The following ABI3 variants were observed in gnomAD, a reference collection of about 807,000 sequenced individuals.
The protein encoded by ABI3 is ABI family member 3, also known as ABI gene family member 3.
A neutral mutation model predicts 37.0 loss-of-function variants in ABI3; 24 were observed. The observed-to-expected ratio is 0.65, with a 90% CI of 0.47 to 0.91. The LOEUF (loss-of-function observed/expected upper bound fraction) is 0.91. ABI3 is among the 40% of genes least tolerant of loss of function. ABI3 has a pLI of 0.00. For synonymous variants in ABI3, 220 were observed against 211.8 expected (o/e 1.04, Z -0.34); for missense variants, 481 against 485.1 (o/e 0.99, Z 0.08).
Position 49,214,627 on chromosome 17 carries a change from T to C in ABI3, c.118-1904T>C, listed in dbSNP as rs184159707. 6.0e-4 allele frequency among the ~76,000 whole-genome samples: 92 copies of C among 152,300 alleles called. 1 individual carries two copies. The highest frequency in any genetic ancestry group is 4.6e-3 in the Admixed American group (71 of 15,300). On this transcript the variant is annotated intron_variant, in intron 1 of 7. Transcript: ENST00000225941. ...CGGAAGGCTGAGGCAGGAGAATCGC[T>C]TGAACCCAGGAGGCGGAGGTTGGGG... is the stretch of plus-strand genomic sequence containing the variant.
chr17:49,213,874 A>G (rs2043194602), intron 1 of ABI3, among the ~76,000 whole-genome samples: 2 of 152,208 alleles, frequency 1.3e-5, no homozygotes, highest in South Asian at 4.1e-4. Context: ...CTCATTTAGT[A>G]AAGGAAGGTC....
chr17:49,221,324 A>C, intron 6 of ABI3, among the ~76,000 whole-genome samples: 1 of 150,024 alleles, frequency 6.7e-6, no homozygotes, highest in South Asian at 2.1e-4. Context: ...CAAAAAAATT[A>C]GCCGGGCGTG....
At chr17:49,214,421 T>A (rs142749269) in intron 1 of ABI3, among the ~76,000 whole-genome samples, 2 of 152,138 alleles carry the variant, frequency 1.3e-5, no homozygotes, top group African/African-American at 4.8e-5. Context: ...CAAAAAAAAA[T>A]TTCTTGGCCA....
At chr17:49,216,858 CCTT>C (rs2043224213) in intron 2 of ABI3, among the ~76,000 whole-genome samples, 160 bp downstream of exon 2, 1 of 152,232 alleles carries the variant, frequency 6.6e-6, no homozygotes, top group South Asian at 2.1e-4. Context: ...TTTTGGACCT[CCTT>C]ATCTCTGTGG....
At chr17:49,217,994 T>TCTC (rs34394849) in intron 3 of ABI3, 79 bp downstream of exon 3, 133,219 of 1,395,438 alleles carry the variant, frequency 0.095, 7,681 homozygotes, top group East Asian at 0.25. Flanking sequence ...GAACCCCAGT[T>TCTC]CTGCAAGTTT....
At position 49,219,740 on chromosome 17, in the gene ABI3, C is replaced by A. The variant is rs1338995939; in HGVS notation, c.548+115C>A. 7.1e-6 allele frequency: 10 copies of A among 1,407,706 alleles called. No homozygotes were observed. The highest frequency in any genetic ancestry group is 9.7e-6 in the Non-Finnish European group (10 of 1,027,682). 87.2% of individuals were successfully genotyped at this position (1,407,706 alleles called of 1,614,324 possible). ...GCCCCCGGGTGCTCAGGCCGTCATG[C>A]TGGATGCCTGGCGCCAAACCTCCCC... On this transcript the variant is annotated intron_variant, in intron 4 of 7. Transcript: ENST00000225941. The surrounding 1 kb of genome is among the most constrained non-coding windows in gnomAD (Gnocchi z 4.3).
chr17:49,220,390 A>C, intron 6 of ABI3, 64 bp downstream of exon 6: 1 of 1,514,594 alleles, frequency 6.6e-7, no homozygotes, highest in Non-Finnish European at 8.9e-7. Flanking sequence ...GCCACTCCCC[A>C]GCCCACCTCT....
At position 49,210,797 on chromosome 17, in the gene ABI3, G is replaced by A. The variant is rs1214736725; in HGVS notation, c.73G>A (p.Ala25Thr). ...GREALRGNHS[A>T]LLRVADYCED... ...GGAGGCTCTGAGGGGCAACCACAGTGCCCTGCTGCGGGTCGCTGACTACTG... is the reference window on the plus strand; with the variant it reads ...GGAGGCTCTGAGGGGCAACCACAGTACCCTGCTGCGGGTCGCTGACTACTG... The change falls in exon 1 of 8, where the codon GCC (alanine) becomes ACC (threonine). Residue 25 changes from alanine (A) to threonine (T), a missense_variant. Coordinates refer to ENST00000225941, the MANE Select transcript of ABI3 (RefSeq NM_016428.3). The surrounding 1 kb of genome is among the most constrained non-coding windows in gnomAD (Gnocchi z 4.2). 2 of 1,556,114 alleles carry A rather than the reference G, an allele frequency of 1.3e-6. No individual in the cohort carries two copies. The highest frequency in any genetic ancestry group is 2.4e-5 in the South Asian group (2 of 84,458).
Position 49,219,766 on chromosome 17 carries a change from C to A in ABI3, c.549-92C>A. 6.9e-7 allele frequency: 1 copy of A among 1,444,200 alleles called. No homozygotes were observed. Among genetic ancestry groups the A allele is most frequent in the Non-Finnish European group, 9.4e-7 (1 of 1,061,718 alleles). The allele number at this position is 1,444,200 out of a possible 1,614,324, so 89.5% of individuals were successfully genotyped here. ...TGGATGCCTGGCGCCAAACCTCCCC[C>A]TCGGCCACCTGCCCTTCCTGCTCGC... On this transcript the variant is annotated intron_variant, in intron 4 of 7. Coordinates refer to ENST00000225941, the MANE Select transcript of ABI3 (RefSeq NM_016428.3). The surrounding 1 kb of genome is among the most constrained non-coding windows in gnomAD (Gnocchi z 4.3).
intron 1 of ABI3, among the ~76,000 whole-genome samples, chr17:49,212,891 T>C (rs2158512): frequency 0.086 from 13,144 of 152,256 alleles, 836 homozygotes; most frequent in East Asian, 0.2. Context: ...AAGGCATGTT[T>C]CCTCTATGGA....
Position 49,222,689 on chromosome 17 carries a change from G to A in ABI3, c.1075G>A (p.Gly359Arg). The A allele has an allele frequency of 6.3e-7, 1 of 1,588,018 alleles. No homozygotes were observed. Among genetic ancestry groups the A allele is most frequent in the Non-Finnish European group, 8.6e-7 (1 of 1,167,240 alleles). The stretch of plus-strand genomic sequence containing the variant: ...CTCAGAGGGGACTGGATTCTTCCCT[G>A]GGAACTATGTGGAGCCCAGCTGCTG... The part of the protein sequence containing the change: ...VSSEGTGFFP[G>R]NYVEPSC Residue 359 changes from glycine (G) to arginine (R), a missense_variant, in exon 8 of 8, where the codon GGG (glycine) becomes AGG (arginine). Physicochemically the swap from Gly to Arg is moderately radical, Grantham distance 125. Transcript: ENST00000225941.
At chr17:49,215,083 G>A (rs2043206469) in intron 1 of ABI3, among the ~76,000 whole-genome samples, 1 of 152,244 alleles carries the variant, frequency 6.6e-6, no homozygotes, top group African/African-American at 2.4e-5. Context: ...AGGCAGTGAA[G>A]GCGTGGGCTG....
Position 49,217,850 on chromosome 17 carries a change from C to G in ABI3, c.397C>G (p.Leu133Val). 1 of 1,605,966 alleles carries G rather than the reference C, an allele frequency of 6.2e-7. No homozygotes were observed. ...KVIAPENLPP[L>V]TPYCRRPLNF... Reference sequence around the variant, plus strand: ...CATCGCCCCAGAGAACCTACCCCCTCTCACGCCCTACTGCAGGAGACCCCT... The same window carrying G: ...CATCGCCCCAGAGAACCTACCCCCTGTCACGCCCTACTGCAGGAGACCCCT... The change falls in exon 3 of 8, where the codon CTC becomes GTC. Residue 133 changes from leucine to valine, a missense_variant. Transcript: ENST00000225941.
At chr17:49,214,824 G>A (rs933982252) in intron 1 of ABI3, among the ~76,000 whole-genome samples, 2 of 152,224 alleles carry the variant, frequency 1.3e-5, no homozygotes, top group African/African-American at 4.8e-5. Context: ...AATACAGTGG[G>A]AATGTGCCCA....
Position 49,219,471 on chromosome 17 carries a change from C to T in ABI3, c.463-69C>T. 1 of 1,372,982 alleles carries T rather than the reference C, an allele frequency of 7.3e-7. No homozygotes were observed. The highest frequency in any genetic ancestry group is 1.3e-5 in the South Asian group (1 of 76,700). 85.0% of individuals were successfully genotyped at this position (1,372,982 alleles called of 1,614,324 possible). On this transcript the variant is annotated intron_variant, in intron 3 of 7. Coordinates refer to ENST00000225941, the MANE Select transcript of ABI3 (RefSeq NM_016428.3). The surrounding 1 kb of genome is among the most constrained non-coding windows in gnomAD (Gnocchi z 4.3). ...TTCCCGTCCGCCCCTCCTCCATTTC[C>T]TCTTGGGGATGAGGGTGGAGGGAGG...
Position 49,218,887 on chromosome 17 carries a change from G to T in ABI3, c.463-653G>T, listed in dbSNP as rs185665196. On this transcript the variant is annotated intron_variant, in intron 3 of 7. Transcript: ENST00000225941. ...TTGCCTGAGCCACCCAAAGTTCTGG[G>T]ATTACAGGTGTGAGCCACCACTCGC... 3.8e-3 allele frequency among the ~76,000 whole-genome samples: 573 copies of T among 151,890 alleles called. 1 individual carries two copies. Among genetic ancestry groups the T allele is most frequent in the Non-Finnish European group, 6.2e-3 (424 of 67,964 alleles).
At position 49,220,341 on chromosome 17, in the gene ABI3, C is replaced by G. The variant is rs1358578141; in HGVS notation, c.802+15C>G. 1.9e-6 allele frequency: 3 copies of G among 1,560,774 alleles called. No homozygotes were observed. Among genetic ancestry groups the G allele is most frequent in the Non-Finnish European group, 2.6e-6 (3 of 1,151,924 alleles). ...ACCCCCACCGGGTAAGGAGGTCCAC[C>G]CTCTTCTTCCCAACCGTGGGGTCGC... On this transcript the variant is annotated intron_variant, in intron 6 of 7. Transcript: ENST00000225941.
chr17:49,220,061 C>T (rs1360180661), intron 5 of ABI3, 108 bp downstream of exon 5: 1 of 1,556,634 alleles, frequency 6.4e-7, no homozygotes, highest in Non-Finnish European at 8.7e-7. Flanking sequence ...GACCCAGTTA[C>T]TCCTGGGTCA....
At chr17:49,218,580 A>G in intron 3 of ABI3, among the ~76,000 whole-genome samples, 1 of 150,480 alleles carries the variant, frequency 6.6e-6, no homozygotes. Flanking sequence ...CCTCCTTCCC[A>G]CCAGTAGTTC....
Sources: gnomAD v4.1 joint callset for allele counts (sites outside exome capture counted in the v4.1 genomes callset) on GRCh38, gnomAD v4.1.1 for gene constraint, Gnocchi (gnomAD v3.1) non-coding constraint, MANE v1.5 for transcripts, NCBI Gene and HGNC (gene_info 2026-07-23, HGNC 2026-07-21) for gene names.